Variants in SEC63 observed in about 807,000 individuals in gnomAD.
SEC63 encodes translocation protein SEC63 homolog.
SEC63 carries 56 observed loss-of-function variants against 116.2 expected under a neutral mutation model. The ratio of observed to expected loss-of-function variants is 0.48; its 90% CI spans 0.39 to 0.60. The LOEUF is 0.60. Among genes scored for constraint, SEC63 ranks in the 20% least tolerant of loss-of-function variants. The pLI is 0.00. For missense variants in SEC63, 668 were observed against 900.0 expected (o/e 0.74, Z 3.30); for synonymous variants, 273 against 294.6 (o/e 0.93, Z 0.75).
At chr6:107,913,627 C>A (rs932743413) in intron 4 of SEC63, among the ~76,000 whole-genome samples, 200 bp from the exon 5 acceptor site, 1 of 152,106 alleles carries the variant, frequency 6.6e-6, no homozygotes, top group Non-Finnish European at 1.5e-5. Context: ...CTAACTATTG[C>A]GTCTTGATAC....
chr6:107,887,947 T>G (rs1786574199), intron 16 of SEC63, among the ~76,000 whole-genome samples: 1 of 152,134 alleles, frequency 6.6e-6, no homozygotes, highest in Non-Finnish European at 1.5e-5. Flanking sequence ...GTTCCATTGG[T>G]CTATATATCT....
At chr6:107,928,693 A>G (rs1194080100) in intron 2 of SEC63, among the ~76,000 whole-genome samples, 9 of 152,186 alleles carry the variant, frequency 5.9e-5, no homozygotes. Flanking sequence ...CACAAGACAT[A>G]GTAGTCCAAT....
At chr6:107,920,181 T>G (rs527382019) in intron 4 of SEC63, among the ~76,000 whole-genome samples, 1 of 152,048 alleles carries the variant, frequency 6.6e-6, no homozygotes, top group Non-Finnish European at 1.5e-5. Context: ...CCCAGCACTT[T>G]GGGAGGCCGA....
chr6:107,873,069 A>T (rs1041963234), intron 19 of SEC63, among the ~76,000 whole-genome samples, 157 bp from the exon 20 acceptor site: 4 of 151,992 alleles, frequency 2.6e-5, no homozygotes, highest in African/African-American at 7.2e-5. Flanking sequence ...AAACAATAAT[A>T]AAAAAAAGCG....
chr6:107,944,222 G>C (rs972169250), intron 1 of SEC63, among the ~76,000 whole-genome samples: 2 of 152,176 alleles, frequency 1.3e-5, no homozygotes, highest in Non-Finnish European at 2.9e-5. Flanking sequence ...CTTCTTTCCT[G>C]AACAGCTGAA....
At chr6:107,955,713 C>T (rs1770696892) in intron 1 of SEC63, among the ~76,000 whole-genome samples, 1 of 151,776 alleles carries the variant, frequency 6.6e-6, no homozygotes, top group African/African-American at 2.4e-5. Flanking sequence ...TGGTGAAACC[C>T]CATCTTTACT....
At chr6:107,935,869 T>C (rs1481936269) in intron 1 of SEC63, among the ~76,000 whole-genome samples, 1 of 152,186 alleles carries the variant, frequency 6.6e-6, no homozygotes, top group Non-Finnish European at 1.5e-5. Flanking sequence ...TATTTTGCTA[T>C]AAAGAACATC....
At chr6:107,953,953 C>T (rs1272095054) in intron 1 of SEC63, among the ~76,000 whole-genome samples, 1 of 152,160 alleles carries the variant, frequency 6.6e-6, no homozygotes, top group Non-Finnish European at 1.5e-5. Context: ...GCCACCACCC[C>T]GTCTGGGAGG....
chr6:107,911,300 A>C (rs1787278595), intron 7 of SEC63, 46 bp downstream of exon 7: 1 of 1,284,980 alleles, frequency 7.8e-7, no homozygotes, highest in South Asian at 1.2e-5. Flanking sequence ...AAAACATGTC[A>C]ATCTCCTTTC....
In SEC63 at chr6:107,906,359, C is replaced by T. The variant is rs574532950; in HGVS notation, c.961+89G>A. On this transcript the variant is annotated intron_variant, in intron 10 of 20. Transcript: ENST00000369002. ...CCTCAGGTATTTCTTTAGAGCAATGCGAGAACAAACTAATACACACCATTA... is the reference window on the plus strand; with the variant it reads ...CCTCAGGTATTTCTTTAGAGCAATGTGAGAACAAACTAATACACACCATTA... 2.4e-5 allele frequency: 33 copies of T among 1,396,236 alleles called. No homozygotes were observed. In the Admixed American group the frequency reaches 3.0e-4, roughly 13 times the overall value. 86.5% of individuals were successfully genotyped at this position (1,396,236 alleles called of 1,614,324 possible). A position where few individuals can be genotyped will look rare whatever the true frequency, so the allele number is the denominator to read the frequency against.
At chr6:107,929,614 T>C (rs983857619) in intron 1 of SEC63, 100 bp from the exon 2 acceptor site, 4 of 710,460 alleles carry the variant, frequency 5.6e-6, no homozygotes, top group East Asian at 2.6e-5. Context: ...ACGCTAATAG[T>C]TTAATGGAAC....
At chr6:107,955,772 G>A (rs1770698065) in intron 1 of SEC63, among the ~76,000 whole-genome samples, 1 of 152,094 alleles carries the variant, frequency 6.6e-6, no homozygotes, top group Non-Finnish European at 1.5e-5. Flanking sequence ...TGTAATCCCA[G>A]CTACTGGGGA....
chr6:107,955,882 C>CTAAA (rs150788370), intron 1 of SEC63: 20,217 of 214,586 alleles, frequency 0.094, 1,034 homozygotes, highest in African/African-American at 0.14. Context: ...GACTCTGTCT[C>CTAAA]TAAATAAATA....
chr6:107,892,862 C>T (rs981894996), intron 16 of SEC63, among the ~76,000 whole-genome samples: 14 of 152,250 alleles, frequency 9.2e-5, no homozygotes, highest in African/African-American at 3.4e-4. Flanking sequence ...ACAAGACTCT[C>T]ACACGTAGGT....
chr6:107,883,771 C>G (rs1268204122), intron 16 of SEC63, among the ~76,000 whole-genome samples: 6 of 150,864 alleles, frequency 4.0e-5, no homozygotes, highest in Non-Finnish European at 8.8e-5. Flanking sequence ...CATGCCACAG[C>G]ACTTCAGTCT....
At chr6:107,913,645 T>C (rs980920008) in intron 4 of SEC63, among the ~76,000 whole-genome samples, 2 of 152,212 alleles carry the variant, frequency 1.3e-5, no homozygotes, top group African/African-American at 4.8e-5. Flanking sequence ...TACTAATTCC[T>C]GGTTGGCCCA....
intron 2 of SEC63, among the ~76,000 whole-genome samples, chr6:107,926,221 A>T (rs1482508304): frequency 6.6e-6 from 1 of 152,244 alleles, no homozygotes; most frequent in Non-Finnish European, 1.5e-5. Context: ...CTATGTATAT[A>T]AAAGTTTTAT....
At chr6:107,938,542 G>A (rs1416392819) in intron 1 of SEC63, among the ~76,000 whole-genome samples, 1 of 149,828 alleles carries the variant, frequency 6.7e-6, no homozygotes, top group Non-Finnish European at 1.5e-5. Context: ...ACCACATCTG[G>A]CCCCAGTAAG....
At chr6:107,923,685 C>A (rs1045748354) in intron 3 of SEC63, among the ~76,000 whole-genome samples, 1 of 146,788 alleles carries the variant, frequency 6.8e-6, no homozygotes, top group Non-Finnish European at 1.5e-5. Flanking sequence ...GCTATCACAC[C>A]CAGGTAATTT....
Sources: allele counts gnomAD v4.1 joint callset (sites outside exome capture counted in the v4.1 genomes callset), GRCh38; gene constraint gnomAD v4.1.1; transcripts MANE v1.5; gene names NCBI Gene and HGNC (gene_info 2026-07-23, HGNC 2026-07-21).